TMCC1: variants seen among roughly 807,000 people sequenced by gnomAD.
TMCC1 encodes the protein transmembrane and coiled-coil domains protein 1.
In TMCC1, 15 loss-of-function variants were observed where a neutral mutation model predicts 52.4. That is an observed-to-expected ratio of 0.29 (90% CI 0.19 to 0.44). The LOEUF is 0.44. Among genes scored for constraint, TMCC1 ranks in the 20% least tolerant of loss-of-function variants. The probability of loss-of-function intolerance (pLI) is 1.00; values close to 1 mark genes in which losing one functional copy is unlikely to be tolerated. For synonymous variants in TMCC1, 279 were observed against 301.9 expected (o/e 0.92, Z 0.79); for missense variants, 503 against 806.0 (o/e 0.62, Z 4.55).
At chr3:129,715,620 A>G (rs1324733420) in intron 4 of TMCC1, among the ~76,000 whole-genome samples, 3 of 152,182 alleles carry the variant, frequency 2.0e-5, no homozygotes, top group Admixed American at 6.5e-5. Context: ...AAGTAAGCCT[A>G]CCTTTATATT....
chr3:129,775,054 C>T (rs545577076), intron 4 of TMCC1, among the ~76,000 whole-genome samples: 1 of 152,232 alleles, frequency 6.6e-6, no homozygotes, highest in South Asian at 2.1e-4. Context: ...ATGCTGGGGA[C>T]AGAGACAAGA....
intron 4 of TMCC1, among the ~76,000 whole-genome samples, chr3:129,686,960 A>G (rs2089451086): frequency 6.6e-6 from 1 of 152,232 alleles, no homozygotes; most frequent in African/African-American, 2.4e-5. Flanking sequence ...CAAAAAGAGA[A>G]AAATAAAAAG....
intron 5 of TMCC1, among the ~76,000 whole-genome samples, chr3:129,657,082 G>C (rs1576336263): frequency 6.6e-6 from 1 of 152,176 alleles, no homozygotes; most frequent in East Asian, 1.9e-4. Flanking sequence ...TGGTCTCTTG[G>C]GATTTAAGGG....
chr3:129,776,685 T>C (rs1016694402), intron 4 of TMCC1, among the ~76,000 whole-genome samples: 1 of 152,236 alleles, frequency 6.6e-6, no homozygotes, highest in Admixed American at 6.5e-5. Flanking sequence ...TGGAGTATGG[T>C]AGTGTCATCA....
chr3:129,758,421 T>C (rs1430123189), intron 4 of TMCC1, among the ~76,000 whole-genome samples: 1 of 152,242 alleles, frequency 6.6e-6, no homozygotes, highest in Non-Finnish European at 1.5e-5. Flanking sequence ...ATACATTTTC[T>C]AGTTCTGTAA....
chr3:129,793,951 A>G (rs2056642498), intron 4 of TMCC1, among the ~76,000 whole-genome samples: 1 of 152,226 alleles, frequency 6.6e-6, no homozygotes, highest in Non-Finnish European at 1.5e-5. Flanking sequence ...CACTGATTCC[A>G]CAGAGAAGAA....
At chr3:129,811,401 A>G (rs894631566) in intron 4 of TMCC1, among the ~76,000 whole-genome samples, 3 of 151,992 alleles carry the variant, frequency 2.0e-5, no homozygotes, top group Admixed American at 1.3e-4. Flanking sequence ...AGTAGCTTGG[A>G]CTACAGGTGT....
chr3:129,871,263 G>T (rs1053564090), intron 2 of TMCC1, among the ~76,000 whole-genome samples: 7 of 151,202 alleles, frequency 4.6e-5, no homozygotes, highest in African/African-American at 1.7e-4. Context: ...GGAGGGTGAG[G>T]CAGGAGAATT....
chr3:129,842,989 A>G (rs995434353), intron 2 of TMCC1, among the ~76,000 whole-genome samples: 3 of 152,178 alleles, frequency 2.0e-5, no homozygotes, highest in Admixed American at 6.5e-5. Flanking sequence ...CTTATAAAAG[A>G]AGACCTAAAA....
At chr3:129,719,625 GAATTA>G (rs2049400700) in intron 4 of TMCC1, among the ~76,000 whole-genome samples, 2 of 152,158 alleles carry the variant, frequency 1.3e-5, no homozygotes, top group Non-Finnish European at 2.9e-5. Flanking sequence ...GAATTGAATT[GAATTA>G]AAGGATACCC....
intron 2 of TMCC1, among the ~76,000 whole-genome samples, chr3:129,855,337 T>G (rs1482393712): frequency 6.6e-6 from 1 of 152,200 alleles, no homozygotes; most frequent in African/African-American, 2.4e-5. Context: ...TTCTTAATAC[T>G]TCATGTCAAG....
chr3:129,869,378 A>AT (rs907885502), intron 2 of TMCC1, among the ~76,000 whole-genome samples: 123 of 152,282 alleles, frequency 8.1e-4, no homozygotes, highest in African/African-American at 2.9e-3. Flanking sequence ...ATTGATAAAC[A>AT]TAAGTGTTTT....
chr3:129,808,221 G>T (rs893133390), intron 4 of TMCC1, among the ~76,000 whole-genome samples: 4 of 152,018 alleles, frequency 2.6e-5, no homozygotes, highest in Non-Finnish European at 5.9e-5. Flanking sequence ...GATGGCTCAC[G>T]CCTGTAATCC....
intron 4 of TMCC1, among the ~76,000 whole-genome samples, chr3:129,704,742 A>G (rs572454983): frequency 6.6e-6 from 1 of 152,214 alleles, no homozygotes; most frequent in East Asian, 1.9e-4. Flanking sequence ...TTAAGGGAAC[A>G]ATTCTGCTGA....
At chr3:129,882,132 C>T (rs1184319824) in intron 1 of TMCC1, among the ~76,000 whole-genome samples, 2 of 152,202 alleles carry the variant, frequency 1.3e-5, no homozygotes, top group East Asian at 1.9e-4. Context: ...AAAATATTTA[C>T]AGATCATCTA....
chr3:129,783,373 T>G (rs1250075018), intron 4 of TMCC1, among the ~76,000 whole-genome samples: 2 of 152,168 alleles, frequency 1.3e-5, no homozygotes, highest in African/African-American at 4.8e-5. Context: ...AATCTCAAGG[T>G]CAAGGAAACA....
In TMCC1 at chr3:129,861,291, T is replaced by G. The variant is rs539974006; in HGVS notation, c.-184+19018A>C. 3.3e-5 allele frequency among the ~76,000 whole-genome samples: 5 copies of G among 151,942 alleles called. No homozygotes were observed. The South Asian group carries it at 1.0e-3, about 32-fold the overall frequency. On this transcript the variant is annotated intron_variant, in intron 2 of 6. Coordinates refer to ENST00000393238, the MANE Select transcript of TMCC1 (RefSeq NM_001017395.5). ...CCATCTCTACTAAAAATACAAAAAT[T>G]TAGCTGGGTGTGGTGGCGTGCACCT... is the stretch of plus-strand genomic sequence containing the variant.
intron 4 of TMCC1, 33 bp from the exon 5 acceptor site, chr3:129,671,297 C>A (rs780203541): frequency 6.4e-7 from 1 of 1,562,812 alleles, no homozygotes; most frequent in Admixed American, 1.9e-5. Flanking sequence ...ATGTTAGAAG[C>A]CCAAGAGGAC....
In TMCC1 at chr3:129,811,204, A is replaced by G. The variant is rs975235540; in HGVS notation, c.576+16599T>C. Reference sequence around the variant, plus strand: ...ACTCCATTGTTAAGCTTACAAAGAAATGCTCAGAAACAAATAGATCAGAAT... The same window carrying G: ...ACTCCATTGTTAAGCTTACAAAGAAGTGCTCAGAAACAAATAGATCAGAAT... On this transcript the variant is annotated intron_variant, in intron 4 of 6. Coordinates refer to ENST00000393238, the MANE Select transcript of TMCC1 (RefSeq NM_001017395.5). Among the ~76,000 whole-genome samples the G allele has an allele frequency of 2.6e-5, 4 of 152,338 alleles. No homozygotes were observed. In the South Asian group the frequency reaches 6.2e-4, roughly 24 times the overall value.
Sources: gnomAD v4.1 joint callset for allele counts (sites outside exome capture counted in the v4.1 genomes callset) on GRCh38, gnomAD v4.1.1 for gene constraint, MANE v1.5 for transcripts, NCBI Gene and HGNC (gene_info 2026-07-23, HGNC 2026-07-21) for gene names.